GPR158: variants seen among roughly 807,000 people sequenced by gnomAD.
GPR158 encodes metabotropic glycine receptor.
GPR158 carries 30 observed loss-of-function variants against 78.2 expected under a neutral mutation model. The observed-to-expected ratio is 0.38, with a 90% CI of 0.29 to 0.52. The LOEUF (loss-of-function observed/expected upper bound fraction) is 0.52, where lower values mean the gene tolerates loss of function less well. GPR158 is among the 20% of genes least tolerant of loss of function. The pLI is 0.83. For missense variants in GPR158, 1,463 were observed against 1,523.5 expected (o/e 0.96, Z 0.66); for synonymous variants, 581 against 591.1 (o/e 0.98, Z 0.25).
chr10:25,182,813 A>G (rs1588722295), intron 1 of GPR158, among the ~76,000 whole-genome samples: 1 of 152,358 alleles, frequency 6.6e-6, no homozygotes, highest in East Asian at 1.9e-4. Context: ...TGGTTGGTAC[A>G]GAAGCATTAG....
chr10:25,409,042 T>C (rs138436327), intron 3 of GPR158, among the ~76,000 whole-genome samples: 1 of 152,192 alleles, frequency 6.6e-6, no homozygotes, highest in Non-Finnish European at 1.5e-5. Flanking sequence ...ATCTCCATGA[T>C]TGACTCAGAT....
chr10:25,481,894 G>A (rs1031566845), intron 5 of GPR158, among the ~76,000 whole-genome samples: 1 of 152,136 alleles, frequency 6.6e-6, no homozygotes, highest in Admixed American at 6.5e-5. Flanking sequence ...CAGGTTTTTA[G>A]GGTGTCTGTT....
In GPR158 at chr10:25,434,076, G is replaced by A. The variant is rs1021329571; in HGVS notation, c.1335+21603G>A. On this transcript the variant is annotated intron_variant, in intron 4 of 10. Transcript: ENST00000376351. ...CAGGAGACTGAGGCAGGAGAATGGC[G>A]GCGTGAACCCTGGAGGTGGAGCTTG... Among the ~76,000 whole-genome samples the A allele has an allele frequency of 3.9e-5, 6 of 152,052 alleles. No individual in the cohort carries two copies. The East Asian group carries it at 5.8e-4, about 15-fold the overall frequency.
chr10:25,487,740 T>A (rs1835754447), intron 5 of GPR158, among the ~76,000 whole-genome samples: 1 of 152,156 alleles, frequency 6.6e-6, no homozygotes, highest in Non-Finnish European at 1.5e-5. Flanking sequence ...TTCAGTATAT[T>A]GTTTGATTTT....
intron 5 of GPR158, among the ~76,000 whole-genome samples, chr10:25,546,191 A>G (rs1381241391): frequency 6.6e-6 from 1 of 152,134 alleles, no homozygotes; most frequent in African/African-American, 2.4e-5. Flanking sequence ...GATTAATTTT[A>G]TGAGTCTCTA....
chr10:25,210,859 TG>T (rs1262214249), intron 1 of GPR158, among the ~76,000 whole-genome samples: 1 of 151,482 alleles, frequency 6.6e-6, no homozygotes, highest in Non-Finnish European at 1.5e-5. Flanking sequence ...TTTGGCTGGG[TG>T]CGGTGGCTCA....
At chr10:25,248,696 C>T (rs1258548074) in intron 2 of GPR158, among the ~76,000 whole-genome samples, 15 of 150,928 alleles carry the variant, frequency 9.9e-5, no homozygotes, top group African/African-American at 2.9e-4. Flanking sequence ...GTACCAGTAC[C>T]ATGCTGTTTT....
intron 2 of GPR158, among the ~76,000 whole-genome samples, chr10:25,298,028 T>C (rs1225815251): frequency 6.6e-6 from 1 of 152,220 alleles, no homozygotes; most frequent in Non-Finnish European, 1.5e-5. Flanking sequence ...TGAGTAAATG[T>C]GGCATATTGT....
chr10:25,189,474 A>G (rs971495073), intron 1 of GPR158, among the ~76,000 whole-genome samples: 4 of 152,206 alleles, frequency 2.6e-5, no homozygotes, highest in Non-Finnish European at 4.4e-5. Flanking sequence ...GGATGAGTTC[A>G]TGTCCTTTGT....
intron 1 of GPR158, among the ~76,000 whole-genome samples, chr10:25,202,895 T>C (rs986850306): frequency 1.3e-5 from 2 of 152,194 alleles, no homozygotes; most frequent in Non-Finnish European, 2.9e-5. Context: ...TCCCTATTTC[T>C]CCGTGTCCTC....
At chr10:25,185,791 T>G (rs1259774550) in intron 1 of GPR158, among the ~76,000 whole-genome samples, 1 of 151,860 alleles carries the variant, frequency 6.6e-6, no homozygotes, top group Non-Finnish European at 1.5e-5. Context: ...CCACTGCACT[T>G]CAGCCTGGGC....
chr10:25,409,955 A>T (rs824601), intron 3 of GPR158, among the ~76,000 whole-genome samples: 125,339 of 152,104 alleles, frequency 0.82, 52,726 homozygotes, highest in African/African-American at 0.89. Context: ...AGGGACTAAA[A>T]CTCCTACTCT....
chr10:25,434,521 A>G (rs558135699), intron 4 of GPR158, among the ~76,000 whole-genome samples: 84 of 152,362 alleles, frequency 5.5e-4, no homozygotes, highest in Non-Finnish European at 1.1e-3. Flanking sequence ...ATGTTACATA[A>G]GCAAAGGACT....
At chr10:25,511,915 ATGT>A (rs1414462721) in intron 5 of GPR158, among the ~76,000 whole-genome samples, 1 of 152,048 alleles carries the variant, frequency 6.6e-6, no homozygotes, top group Non-Finnish European at 1.5e-5. Flanking sequence ...TGCCAGTACC[ATGT>A]TGTTTTGGGG....
intron 4 of GPR158, among the ~76,000 whole-genome samples, chr10:25,452,746 A>C (rs1835238121): frequency 6.6e-6 from 1 of 152,234 alleles, no homozygotes; most frequent in Non-Finnish European, 1.5e-5. Flanking sequence ...CAACATAAGG[A>C]TATGATATAC....
chr10:25,482,294 C>T (rs1282584929), intron 5 of GPR158, among the ~76,000 whole-genome samples: 1 of 152,016 alleles, frequency 6.6e-6, no homozygotes, highest in Non-Finnish European at 1.5e-5. Context: ...TGCGATCCTC[C>T]CACCTCAGAC....
At chr10:25,260,716 G>A (rs1418421917) in intron 2 of GPR158, among the ~76,000 whole-genome samples, 1 of 151,976 alleles carries the variant, frequency 6.6e-6, no homozygotes, top group Non-Finnish European at 1.5e-5. Context: ...CTTAGGTTTT[G>A]TCTTGTTTTC....
At chr10:25,350,639 G>A (rs1287300295) in intron 2 of GPR158, among the ~76,000 whole-genome samples, 1 of 151,958 alleles carries the variant, frequency 6.6e-6, no homozygotes, top group Non-Finnish European at 1.5e-5. Flanking sequence ...CATTCTCCAG[G>A]GAGGGGTGTA....
intron 5 of GPR158, among the ~76,000 whole-genome samples, chr10:25,539,050 G>A (rs1337556345): frequency 6.6e-6 from 1 of 152,086 alleles, no homozygotes; most frequent in Non-Finnish European, 1.5e-5. Context: ...CTCCCAGCAC[G>A]CTGGTTTTCT....
Sources: allele counts gnomAD v4.1 joint callset (sites outside exome capture counted in the v4.1 genomes callset), GRCh38; gene constraint gnomAD v4.1.1; transcripts MANE v1.5; gene names NCBI Gene and HGNC (gene_info 2026-07-23, HGNC 2026-07-21).